The following PLEKHG7 variants were observed in gnomAD, a reference collection of about 807,000 sequenced individuals.
PLEKHG7 encodes pleckstrin homology and RhoGEF domain containing G7.
A neutral mutation model predicts 85.2 loss-of-function variants in PLEKHG7; 77 were observed. That is an observed-to-expected ratio of 0.90 (90% confidence interval 0.75 to 1.09). The LOEUF (loss-of-function observed/expected upper bound fraction) is 1.09, where lower values mean the gene tolerates loss of function less well. Among genes scored for constraint, PLEKHG7 ranks in the 50% least tolerant of loss-of-function variants. PLEKHG7 has a pLI of 0.00. For synonymous variants in PLEKHG7, 301 were observed against 302.4 expected (o/e 1.00, Z 0.05); for missense variants, 777 against 804.3 (o/e 0.97, Z 0.41).
chr12:92,764,313 C>A, intron 15 of PLEKHG7, 119 bp downstream of exon 15: 1 of 1,037,022 alleles, frequency 9.6e-7, no homozygotes, highest in Non-Finnish European at 1.4e-6. Flanking sequence ...AGACTGTGTT[C>A]CTATGTGTCT....
intron 10 of PLEKHG7, among the ~76,000 whole-genome samples, chr12:92,751,212 A>T (rs1450555056): frequency 1.3e-5 from 2 of 152,216 alleles, no homozygotes; most frequent in Non-Finnish European, 2.9e-5. Context: ...TCTGCCCTAG[A>T]ACAACCATAT....
In PLEKHG7 at chr12:92,756,407, C is replaced by A; in HGVS notation, c.1636+16C>A. On this transcript the variant is annotated intron_variant, in intron 13 of 16. Transcript: ENST00000344636. ...ACTCTTGCAGGTAAATAACTGCTTC[C>A]TTTAAAAAACCCAACATCTGTGCCG... 1 of 1,572,566 alleles carries A rather than the reference C, an allele frequency of 6.4e-7. No individual in the cohort carries two copies.
In PLEKHG7 at chr12:92,761,623, GA is replaced by G. The variant is rs878936959; in HGVS notation, c.1637-127del. On this transcript the variant is annotated intron_variant, in intron 13 of 16. Coordinates refer to ENST00000344636, the MANE Select transcript of PLEKHG7 (RefSeq NM_001377329.1). ...AAAGAAAGAAAAAGAAAGAAAGAAA[GA>G]AGAAAGAAAGAAAGAAAGAAAGAAA... 1.0e-3 allele frequency: 753 copies of G among 718,930 alleles called. 6 individuals are homozygous for G. The highest frequency in any genetic ancestry group is 4.3e-3 in the African/African-American group (189 of 44,360). 44.5% of individuals were successfully genotyped at this position (718,930 alleles called of 1,614,324 possible). A position where few individuals can be genotyped will look rare whatever the true frequency, so the allele number is the denominator to read the frequency against.
At chr12:92,730,327 GA>G (rs1239509237) in intron 4 of PLEKHG7, among the ~76,000 whole-genome samples, 2 of 152,198 alleles carry the variant, frequency 1.3e-5, no homozygotes, top group Non-Finnish European at 2.9e-5. Flanking sequence ...TACATTTTAA[GA>G]GGCTTTAGAA....
chr12:92,713,548 A>T (rs538378556), intron 3 of PLEKHG7, among the ~76,000 whole-genome samples: 1 of 152,158 alleles, frequency 6.6e-6, no homozygotes, highest in Non-Finnish European at 1.5e-5. Flanking sequence ...TAAATTTTGT[A>T]GTTGAGTGAC....
intron 13 of PLEKHG7, among the ~76,000 whole-genome samples, chr12:92,761,005 G>A (rs939876270): frequency 2.0e-5 from 3 of 152,150 alleles, no homozygotes; most frequent in Admixed American, 6.6e-5. Context: ...CCTGATGAGC[G>A]CTCTCTTCAA....
chr12:92,720,335 C>CT (rs959287265), intron 3 of PLEKHG7, among the ~76,000 whole-genome samples: 14 of 128,432 alleles, frequency 1.1e-4, no homozygotes, highest in East Asian at 8.1e-4. Flanking sequence ...TTTTTTTTTT[C>CT]TTTTTTTTGA....
chr12:92,761,647 A>AAAGAAAGAAAG (rs1565797609), intron 13 of PLEKHG7, 105 bp from the exon 14 acceptor site: 5 of 1,034,852 alleles, frequency 4.8e-6, no homozygotes, highest in African/African-American at 1.9e-5. Flanking sequence ...AGAAAGAAAG[A>AAAGAAAGAAAG]AAGAAAGAAA....
In PLEKHG7 at chr12:92,740,873, A is replaced by C; in HGVS notation, c.960A>C (p.Arg320Ser). ...CAAAGATCTTTATGAATACACTAAGATATCTGCAAACTCATGAATATCTCC... is the reference window on the plus strand; with the variant it reads ...CAAAGATCTTTATGAATACACTAAGCTATCTGCAAACTCATGAATATCTCC... ...VLKMIFMNTL[R>S]YLQTHEYLLD... Residue 320 changes from arginine (R) to serine (S), a missense_variant, in exon 8 of 17, where the codon AGA becomes AGC. Around this residue, in one of 3 missense-constraint regions of PLEKHG7, gnomAD observed 520 missense variants for 544.0 expected, o/e 0.96. Transcript: ENST00000344636. The C allele has an allele frequency of 6.2e-7, 1 of 1,607,836 alleles. No individual in the cohort carries two copies. Among genetic ancestry groups the C allele is most frequent in the Non-Finnish European group, 8.5e-7 (1 of 1,175,478 alleles).
intron 9 of PLEKHG7, among the ~76,000 whole-genome samples, chr12:92,743,433 T>A (rs1420840371): frequency 6.6e-6 from 1 of 152,168 alleles, no homozygotes; most frequent in African/African-American, 2.4e-5. Flanking sequence ...GTTATTCACA[T>A]GTGAGCCATC....
At chr12:92,756,019 T>C in intron 12 of PLEKHG7, 79 bp downstream of exon 12, 2 of 897,588 alleles carry the variant, frequency 2.2e-6, no homozygotes, top group Middle Eastern at 2.5e-4. Flanking sequence ...TCATCTTAGA[T>C]GTCCCCATCT....
chr12:92,707,706 C>G, intron 3 of PLEKHG7, 34 bp downstream of exon 3: 1 of 1,613,728 alleles, frequency 6.2e-7, no homozygotes, highest in Non-Finnish European at 8.5e-7. Context: ...GGTGCTATGA[C>G]ATCTGTTGAC....
chr12:92,709,899 A>G (rs1871335808), intron 3 of PLEKHG7, among the ~76,000 whole-genome samples: 1 of 152,114 alleles, frequency 6.6e-6, no homozygotes, highest in Non-Finnish European at 1.5e-5. Flanking sequence ...TTTTTCTTTA[A>G]ATAAGCTGGG....
At chr12:92,724,599 AGG>A (rs1457195953) in intron 3 of PLEKHG7, among the ~76,000 whole-genome samples, 3 of 152,212 alleles carry the variant, frequency 2.0e-5, no homozygotes, top group Admixed American at 6.5e-5. Context: ...ACAAGATCCC[AGG>A]CACCTGTTTT....
chr12:92,708,837 G>A (rs538810078), intron 3 of PLEKHG7, among the ~76,000 whole-genome samples: 1 of 152,294 alleles, frequency 6.6e-6, no homozygotes, highest in South Asian at 2.1e-4. Flanking sequence ...GGAATTACAT[G>A]TTACCAACAG....
chr12:92,709,809 C>T (rs1871334462), intron 3 of PLEKHG7, among the ~76,000 whole-genome samples: 3 of 152,168 alleles, frequency 2.0e-5, no homozygotes, highest in African/African-American at 7.2e-5. Flanking sequence ...GTGGAAGGGC[C>T]AGGCAGGCGG....
chr12:92,752,159 G>T (rs1872709866), intron 10 of PLEKHG7, among the ~76,000 whole-genome samples: 2 of 152,096 alleles, frequency 1.3e-5, no homozygotes, highest in African/African-American at 4.8e-5. Flanking sequence ...GGGAGGGTTT[G>T]TTTAAGGGGG....
chr12:92,751,233 G>A (rs938742746), intron 10 of PLEKHG7, among the ~76,000 whole-genome samples: 3 of 152,170 alleles, frequency 2.0e-5, no homozygotes, highest in Non-Finnish European at 2.9e-5. Context: ...CTTTCAGCAC[G>A]TTGCCTAATT....
At position 92,753,520 on chromosome 12, in the gene PLEKHG7, C is replaced by T. The variant is rs1305751448; in HGVS notation, c.1252-570C>T. 7.2e-5 allele frequency among the ~76,000 whole-genome samples: 11 copies of T among 152,308 alleles called. No homozygotes were observed. In the East Asian group the frequency reaches 1.9e-3, roughly 27 times the overall value. ...CCCTAGAACTGCCTCTTCTTCCAAA[C>T]CCCAACTCCAAACTCTCCCTATTGA... On this transcript the variant is annotated intron_variant, in intron 10 of 16. Coordinates refer to ENST00000344636, the MANE Select transcript of PLEKHG7 (RefSeq NM_001377329.1).
Sources: gnomAD v4.1 joint callset for allele counts (sites outside exome capture counted in the v4.1 genomes callset) on GRCh38, gnomAD v4.1.1 for gene constraint, gnomAD v4.1.1 regional missense constraint, MANE v1.5 for transcripts, NCBI Gene and HGNC (gene_info 2026-07-23, HGNC 2026-07-21) for gene names.